FNIP2: variants seen among roughly 807,000 people sequenced by gnomAD.
FNIP2 encodes the protein folliculin interacting protein 2, also known as folliculin-interacting protein 2.
FNIP2 carries 32 observed loss-of-function variants against 108.7 expected under a neutral mutation model. That is an observed-to-expected ratio of 0.29 (90% CI 0.22 to 0.40). The LOEUF (loss-of-function observed/expected upper bound fraction) is 0.40. FNIP2 is among the 10% of genes least tolerant of loss of function. The pLI is 1.00. For synonymous variants in FNIP2, 480 were observed against 496.7 expected (o/e 0.97, Z 0.45); for missense variants, 1,202 against 1,381.6 (o/e 0.87, Z 2.06).
intron 7 of FNIP2, among the ~76,000 whole-genome samples, chr4:158,838,264 AGGCTGGTGTGCAAT>A (rs1310188565): frequency 6.5e-5 from 8 of 122,160 alleles, no homozygotes; most frequent in Non-Finnish European, 1.3e-4. Context: ...TCTGTTGCCC[AGGCTGGTGTGCAAT>A]GGCACAGTCT....
At chr4:158,844,881 G>A (rs1457374720) in intron 7 of FNIP2, among the ~76,000 whole-genome samples, 2 of 152,198 alleles carry the variant, frequency 1.3e-5, no homozygotes, top group African/African-American at 2.4e-5. Context: ...GCAGCAAGCA[G>A]CATTTTAAAA....
At chr4:158,851,282 A>G (rs1779685038) in intron 7 of FNIP2, 39 bp from the exon 8 acceptor site, 1 of 1,612,552 alleles carries the variant, frequency 6.2e-7, no homozygotes, top group African/African-American at 1.3e-5. Context: ...CATGAGGACT[A>G]ATTGACCTCA....
intron 1 of FNIP2, among the ~76,000 whole-genome samples, chr4:158,816,591 T>G (rs1777582689): frequency 6.6e-6 from 1 of 152,096 alleles, no homozygotes; most frequent in African/African-American, 2.4e-5. Flanking sequence ...GAAACTAGCC[T>G]GGCCAACATG....
At chr4:158,784,707 A>C (rs186383718) in intron 1 of FNIP2, among the ~76,000 whole-genome samples, 1 of 152,128 alleles carries the variant, frequency 6.6e-6, no homozygotes, top group African/African-American at 2.4e-5. Flanking sequence ...TGAGAATCCA[A>C]TGCCACCACT....
Position 158,852,453 on chromosome 4 carries a change from A to G in FNIP2, c.857+1003A>G, listed in dbSNP as rs114304842. Among the ~76,000 whole-genome samples the G allele has an allele frequency of 2.8e-3, 421 of 152,296 alleles. 3 individuals carry two copies. The highest frequency in any genetic ancestry group is 9.6e-3 in the African/African-American group (400 of 41,546). On this transcript the variant is annotated intron_variant, in intron 8 of 16. Transcript: ENST00000264433. ...TGGTTGGTGGACTTTGAATGAGATG[A>G]TTAAAAGCTTGGAATTTTGTGTGAA...
intron 12 of FNIP2, among the ~76,000 whole-genome samples, chr4:158,863,873 C>T (rs1043646614): frequency 2.4e-4 from 37 of 152,294 alleles, no homozygotes; most frequent in Admixed American, 2.0e-3. Context: ...AGGAGCTTTT[C>T]TACCCAAAAG....
At chr4:158,839,487 C>T (rs1295051231) in intron 7 of FNIP2, among the ~76,000 whole-genome samples, 1 of 152,052 alleles carries the variant, frequency 6.6e-6, no homozygotes. Flanking sequence ...CTCCTCAGCG[C>T]CCTGAGTAGC....
At chr4:158,806,379 C>T (rs771494236) in intron 1 of FNIP2, 30 of 1,289,274 alleles carry the variant, frequency 2.3e-5, no homozygotes, top group Admixed American at 1.4e-4. Context: ...TTAAAAAACA[C>T]ACCGGAGTAG....
chr4:158,851,198 T>C (rs941394752), intron 7 of FNIP2, 123 bp from the exon 8 acceptor site: 3 of 1,146,794 alleles, frequency 2.6e-6, no homozygotes, highest in Non-Finnish European at 3.7e-6. Flanking sequence ...TACAGTTTAG[T>C]GATATTAAAT....
At chr4:158,903,303 G>A (rs1488971164) in intron 16 of FNIP2, among the ~76,000 whole-genome samples, 1 of 152,124 alleles carries the variant, frequency 6.6e-6, no homozygotes, top group Non-Finnish European at 1.5e-5. Flanking sequence ...TCTGTGGGCT[G>A]CACCCAGTGT....
chr4:158,858,085 G>A (rs759237963), intron 8 of FNIP2, among the ~76,000 whole-genome samples: 2 of 152,150 alleles, frequency 1.3e-5, no homozygotes, highest in Non-Finnish European at 2.9e-5. Context: ...TTGAAGACCA[G>A]GGGGCAGAAG....
chr4:158,780,878 CA>C (rs1298681695), intron 1 of FNIP2, among the ~76,000 whole-genome samples: 1 of 151,698 alleles, frequency 6.6e-6, no homozygotes, highest in Non-Finnish European at 1.5e-5. Flanking sequence ...ACTAAAAACA[CA>C]AAAAAATTAG....
At chr4:158,841,516 A>T (rs1779132591) in intron 7 of FNIP2, among the ~76,000 whole-genome samples, 1 of 152,190 alleles carries the variant, frequency 6.6e-6, no homozygotes, top group Admixed American at 6.5e-5. Context: ...AGTGCTTTGT[A>T]GAGAGGAGCA....
At chr4:158,851,946 G>T (rs1779724760) in intron 8 of FNIP2, among the ~76,000 whole-genome samples, 1 of 152,148 alleles carries the variant, frequency 6.6e-6, no homozygotes, top group African/African-American at 2.4e-5. Context: ...CTTTATTTCA[G>T]CTGGTTTTGT....
At chr4:158,850,342 A>G (rs1257268406) in intron 7 of FNIP2, among the ~76,000 whole-genome samples, 1 of 152,000 alleles carries the variant, frequency 6.6e-6, no homozygotes, top group African/African-American at 2.4e-5. Flanking sequence ...AGGGAAGTAA[A>G]AGCAGAACAA....
chr4:158,791,009 T>C (rs188060032), intron 1 of FNIP2, among the ~76,000 whole-genome samples: 31 of 152,264 alleles, frequency 2.0e-4, no homozygotes, highest in Admixed American at 7.8e-4. Flanking sequence ...AATACCAGGC[T>C]ATCATGATTA....
At chr4:158,883,596 C>T (rs1309470743) in intron 14 of FNIP2, among the ~76,000 whole-genome samples, 2 of 152,182 alleles carry the variant, frequency 1.3e-5, no homozygotes, top group Admixed American at 6.5e-5. Flanking sequence ...GTTAAACCCA[C>T]ACTGTTATAA....
chr4:158,870,484 T>A lies in FNIP2; in HGVS notation c.2949+15T>A. On this transcript the variant is annotated intron_variant, in intron 14 of 16. Transcript: ENST00000264433. ...ACACAGTCCATGTAAGTGATCCCAG[T>A]GTGGAGCCTCTGGCTGCTGACAGTG... The A allele has an allele frequency of 6.3e-7, 1 of 1,596,020 alleles. No homozygotes were observed. The highest frequency in any genetic ancestry group is 8.5e-7 in the Non-Finnish European group (1 of 1,169,810).
Position 158,829,709 on chromosome 4 carries a change from G to T in FNIP2, c.381+484G>T, listed in dbSNP as rs984384276. 3.4e-5 allele frequency among the ~76,000 whole-genome samples: 5 copies of T among 147,716 alleles called. No individual in the cohort carries two copies. In the South Asian group the frequency reaches 1.1e-3, roughly 32 times the overall value. On this transcript the variant is annotated intron_variant, in intron 3 of 16. Transcript: ENST00000264433. ...ATGGCATTTTTTACACTGTGTGTGT[G>T]GGGTGTGTGTGTGTGTGTGTGTGTG...
Sources: gnomAD v4.1 joint callset for allele counts (sites outside exome capture counted in the v4.1 genomes callset) on GRCh38, gnomAD v4.1.1 for gene constraint, MANE v1.5 for transcripts, NCBI Gene and HGNC (gene_info 2026-07-23, HGNC 2026-07-21) for gene names.